Variants in PALLD observed in about 807,000 individuals in gnomAD.
PALLD encodes the protein palladin, cytoskeletal associated protein, also known as palladin.
A neutral mutation model predicts 123.5 loss-of-function variants in PALLD; 61 were observed. The observed-to-expected ratio is 0.49, with a 90% CI of 0.40 to 0.61. PALLD has a LOEUF of 0.61. Ranked by LOEUF, PALLD falls within the 20% of genes least tolerant of loss-of-function variation. The pLI, the probability that PALLD is intolerant of heterozygous loss-of-function variation, is 0.00. For synonymous variants in PALLD, 465 were observed against 496.4 expected (o/e 0.94, Z 0.84); for missense variants, 1,273 against 1,377.0 (o/e 0.92, Z 1.20).
intron 10 of PALLD, among the ~76,000 whole-genome samples, chr4:168,721,616 A>C (rs1338185570): frequency 1.3e-5 from 2 of 152,174 alleles, no homozygotes; most frequent in African/African-American, 2.4e-5. Context: ...TAATGCTTTT[A>C]TAATTACAAA....
At chr4:168,671,061 AATAAGTGGT>A (rs1387721826) in intron 3 of PALLD, among the ~76,000 whole-genome samples, 1 of 151,764 alleles carries the variant, frequency 6.6e-6, no homozygotes, top group African/African-American at 2.4e-5. Flanking sequence ...GTAATATTAT[AATAAGTGGT>A]ATAAGAGAAA....
intron 10 of PALLD, among the ~76,000 whole-genome samples, chr4:168,819,908 G>A (rs539778660): frequency 1.2e-4 from 18 of 152,306 alleles, no homozygotes; most frequent in African/African-American, 3.8e-4. Context: ...GAAGTGAATC[G>A]TGCAGGGTCT....
chr4:168,509,270 A>C (rs1216333027), intron 1 of PALLD, among the ~76,000 whole-genome samples: 9 of 152,156 alleles, frequency 5.9e-5, no homozygotes, highest in Non-Finnish European at 1.0e-4. Context: ...CCAGTTTCAA[A>C]TCTATTACCA....
chr4:168,721,224 G>T (rs773122249), intron 10 of PALLD, among the ~76,000 whole-genome samples: 1 of 152,128 alleles, frequency 6.6e-6, no homozygotes, highest in Non-Finnish European at 1.5e-5. Flanking sequence ...ACCTAAGTGC[G>T]TAGGAGAGCT....
chr4:168,748,615 C>T (rs976797436), intron 10 of PALLD, among the ~76,000 whole-genome samples: 2 of 152,184 alleles, frequency 1.3e-5, no homozygotes, highest in Admixed American at 6.5e-5. Flanking sequence ...TGCTTTGAGT[C>T]TCACAAGGCT....
intron 10 of PALLD, among the ~76,000 whole-genome samples, chr4:168,839,166 C>T (rs1745646741): frequency 6.6e-6 from 1 of 152,186 alleles, no homozygotes; most frequent in Non-Finnish European, 1.5e-5. Flanking sequence ...GTTGCTCAGG[C>T]TGGTCTTGAA....
intron 2 of PALLD, among the ~76,000 whole-genome samples, chr4:168,593,766 G>A (rs1397201942): frequency 6.6e-6 from 1 of 152,130 alleles, no homozygotes; most frequent in Admixed American, 6.5e-5. Flanking sequence ...TACAAAGCAG[G>A]CCCACCAAAA....
intron 10 of PALLD, among the ~76,000 whole-genome samples, chr4:168,725,481 A>G (rs1010094439): frequency 4.6e-5 from 7 of 151,530 alleles, no homozygotes; most frequent in Admixed American, 4.6e-4. Context: ...CTTGAGTACA[A>G]TGCAGTGAAA....
chr4:168,878,534 G>A (rs1321420869), intron 10 of PALLD: 4 of 594,566 alleles, frequency 6.7e-6, no homozygotes, highest in South Asian at 6.2e-5. Flanking sequence ...CTCTCCGTGC[G>A]ATGTAAAAAT....
chr4:168,669,191 A>T (rs1051919102), intron 3 of PALLD, among the ~76,000 whole-genome samples: 1 of 152,208 alleles, frequency 6.6e-6, no homozygotes, highest in African/African-American at 2.4e-5. Flanking sequence ...TAGCACCAAT[A>T]TCTCCATTAT....
intron 10 of PALLD, among the ~76,000 whole-genome samples, chr4:168,792,566 C>A (rs1205834706): frequency 6.6e-6 from 1 of 151,832 alleles, no homozygotes; most frequent in African/African-American, 2.4e-5. Flanking sequence ...TCAACTCAAG[C>A]CTCCCACTCG....
intron 2 of PALLD, among the ~76,000 whole-genome samples, chr4:168,578,361 G>C (rs1012031848): frequency 6.6e-6 from 1 of 152,002 alleles, no homozygotes; most frequent in Non-Finnish European, 1.5e-5. Flanking sequence ...TTTAATCATG[G>C]GGGTGGTTAA....
At chr4:168,515,552 T>C (rs527537746) in intron 2 of PALLD, among the ~76,000 whole-genome samples, 13 of 152,210 alleles carry the variant, frequency 8.5e-5, no homozygotes, top group Admixed American at 2.0e-4. Context: ...TGTTGGGTAG[T>C]TGGCAGCTGT....
chr4:168,526,746 T>C (rs1263965146), intron 2 of PALLD, among the ~76,000 whole-genome samples: 2 of 152,212 alleles, frequency 1.3e-5, no homozygotes, highest in South Asian at 4.2e-4. Context: ...CTCACCTGTA[T>C]GGATAATTTT....
intron 17 of PALLD, among the ~76,000 whole-genome samples, chr4:168,918,390 TG>T (rs1760707184): frequency 6.6e-6 from 1 of 151,788 alleles, no homozygotes; most frequent in African/African-American, 2.4e-5. Context: ...TGTGACAACA[TG>T]GATGAACCTG....
At chr4:168,607,068 G>T (rs533238416) in intron 2 of PALLD, among the ~76,000 whole-genome samples, 2 of 152,280 alleles carry the variant, frequency 1.3e-5, no homozygotes, top group Admixed American at 1.3e-4. Context: ...GATACAAAAG[G>T]CACGGGGGCT....
At chr4:168,577,757 T>G in intron 2 of PALLD, among the ~76,000 whole-genome samples, 1 of 147,636 alleles carries the variant, frequency 6.8e-6, no homozygotes, top group South Asian at 2.1e-4. Flanking sequence ...AAGGCTAAAT[T>G]GACCATTACG....
chr4:168,860,549 C>T (rs1253875976), intron 10 of PALLD, among the ~76,000 whole-genome samples: 4 of 152,152 alleles, frequency 2.6e-5, no homozygotes, highest in African/African-American at 9.7e-5. Flanking sequence ...GAGAGCCAGG[C>T]GCAGTGGCTA....
intron 8 of PALLD, among the ~76,000 whole-genome samples, chr4:168,702,105 C>T (rs1263836113): frequency 6.6e-6 from 1 of 152,162 alleles, no homozygotes; most frequent in African/African-American, 2.4e-5. Context: ...AACTCCATTT[C>T]CTGACTTAAA....
Sources: gnomAD v4.1 joint callset for allele counts (sites outside exome capture counted in the v4.1 genomes callset) on GRCh38, gnomAD v4.1.1 for gene constraint, MANE v1.5 for transcripts, NCBI Gene and HGNC (gene_info 2026-07-23, HGNC 2026-07-21) for gene names.